The following TSPAN2 variants were observed in gnomAD, a reference collection of about 807,000 sequenced individuals.
TSPAN2 encodes the protein tetraspanin 2, also known as tetraspanin-2.
TSPAN2 carries 24 observed loss-of-function variants against 33.3 expected under a neutral mutation model. The ratio of observed to expected loss-of-function variants is 0.72; its 90% confidence interval spans 0.52 to 1.01. The LOEUF (loss-of-function observed/expected upper bound fraction) is 1.01, where lower values mean the gene tolerates loss of function less well. Ranked by LOEUF, TSPAN2 falls within the 50% of genes least tolerant of loss-of-function variation. The pLI, the probability that TSPAN2 is intolerant of heterozygous loss-of-function variation, is 0.00. For missense variants in TSPAN2, 278 were observed against 281.3 expected (o/e 0.99, Z 0.08); for synonymous variants, 114 against 104.5 (o/e 1.09, Z -0.56).
chr1:115,073,687 A>G lies in TSPAN2; in HGVS notation c.70-680T>C, dbSNP rs73008219. On this transcript the variant is annotated intron_variant, in intron 1 of 7. Coordinates refer to ENST00000369516, the MANE Select transcript of TSPAN2 (RefSeq NM_005725.6). Reference sequence around the variant, plus strand: ...TGGTTGCTATTTTGAGTTTCCATGGAAAGTGAGAAAGGAAAAAATAATTTT... The same window carrying G: ...TGGTTGCTATTTTGAGTTTCCATGGGAAGTGAGAAAGGAAAAAATAATTTT... 6.5e-3 allele frequency among the ~76,000 whole-genome samples: 990 copies of G among 151,486 alleles called. 6 individuals are homozygous for G. Among genetic ancestry groups the G allele is most frequent in the African/African-American group, 0.023 (934 of 41,226 alleles).
At position 115,049,067 on chromosome 1, in the gene TSPAN2, C is replaced by T. The variant is rs548988889; in HGVS notation, c.*1423G>A. 6 of 152,124 alleles carry T rather than the reference C, an allele frequency of 3.9e-5. No homozygotes were observed. The highest frequency in any genetic ancestry group is 2.1e-4 in the South Asian group (1 of 4,818). 9.4% of individuals were successfully genotyped at this position (152,124 alleles called of 1,614,324 possible). A position where few individuals can be genotyped will look rare whatever the true frequency, so the allele number is the denominator to read the frequency against. On this transcript the variant is annotated 3_prime_UTR_variant, in exon 8 of 8. Coordinates refer to ENST00000369516, the MANE Select transcript of TSPAN2 (RefSeq NM_005725.6). ...TCATCTGGGGGTTTCCAAAGCCTTCCGTATTTTCACTTATGTGTGGCCTTA... is the reference window on the plus strand; with the variant it reads ...TCATCTGGGGGTTTCCAAAGCCTTCTGTATTTTCACTTATGTGTGGCCTTA...
At chr1:115,067,775 C>T (rs1648006742) in intron 2 of TSPAN2, among the ~76,000 whole-genome samples, 1 of 152,162 alleles carries the variant, frequency 6.6e-6, no homozygotes. Flanking sequence ...TGGAGAAAAC[C>T]TGTTAATATC....
intron 5 of TSPAN2, chr1:115,058,570 C>G (rs1237810021): frequency 2.7e-6 from 1 of 369,778 alleles, no homozygotes; most frequent in Non-Finnish European, 4.9e-6. Context: ...CACAATGCTA[C>G]CCTCTGACAA....
chr1:115,060,322 G>T, intron 4 of TSPAN2, 142 bp downstream of exon 4: 1 of 662,904 alleles, frequency 1.5e-6, no homozygotes. Context: ...TATATGCTCA[G>T]TTCTGCACAC....
chr1:115,072,843 T>TCTAA (rs1648234760), intron 2 of TSPAN2, 62 bp downstream of exon 2: 12 of 1,393,216 alleles, frequency 8.6e-6, no homozygotes, highest in Non-Finnish European at 7.1e-6. Context: ...CAGCTTCTGC[T>TCTAA]CTAAGTCTTT....
chr1:115,055,043 G>C (rs181985303), intron 6 of TSPAN2, among the ~76,000 whole-genome samples: 61 of 152,152 alleles, frequency 4.0e-4, no homozygotes, highest in Non-Finnish European at 1.2e-4. Context: ...ATCCTGCTTT[G>C]GGTCTTTCAG....
intron 2 of TSPAN2, among the ~76,000 whole-genome samples, chr1:115,071,657 C>A (rs994582398): frequency 2.0e-5 from 3 of 152,146 alleles, no homozygotes; most frequent in Non-Finnish European, 4.4e-5. Context: ...CTTAATGGAA[C>A]CTAAAATAAT....
chr1:115,081,721 C>G (rs1648632081), intron 1 of TSPAN2, among the ~76,000 whole-genome samples: 1 of 152,190 alleles, frequency 6.6e-6, no homozygotes, highest in Non-Finnish European at 1.5e-5. Context: ...ACACTGAGAA[C>G]AGTAAGTGCC....
At chr1:115,077,332 TAA>T (rs56178923) in intron 1 of TSPAN2, among the ~76,000 whole-genome samples, 32,065 of 148,764 alleles carry the variant, frequency 0.22, 3,892 homozygotes, top group Non-Finnish European at 0.28. Flanking sequence ...GAAAAATACT[TAA>T]AAAAAAAAAA....
intron 1 of TSPAN2, among the ~76,000 whole-genome samples, chr1:115,088,242 A>T (rs1648920221): frequency 6.6e-6 from 1 of 152,228 alleles, no homozygotes; most frequent in South Asian, 2.1e-4. Flanking sequence ...CAGACAAAAG[A>T]GGAGCCCATC....
At chr1:115,077,426 A>G (rs770568807) in intron 1 of TSPAN2, among the ~76,000 whole-genome samples, 1 of 152,198 alleles carries the variant, frequency 6.6e-6, no homozygotes, top group Non-Finnish European at 1.5e-5. Context: ...ATATGGTTAT[A>G]GTACGTATTG....
intron 2 of TSPAN2, among the ~76,000 whole-genome samples, chr1:115,065,547 C>T (rs950422577): frequency 6.6e-5 from 10 of 152,132 alleles, no homozygotes; most frequent in African/African-American, 9.7e-5. Flanking sequence ...CTGTGACATG[C>T]TACCACAAGT....
chr1:115,082,323 G>T (rs930983179), intron 1 of TSPAN2, among the ~76,000 whole-genome samples: 1 of 152,194 alleles, frequency 6.6e-6, no homozygotes, highest in Non-Finnish European at 1.5e-5. Context: ...GACTTGGAGT[G>T]GTTATGAGTA....
chr1:115,089,327 C>G, intron 1 of TSPAN2, 37 bp downstream of exon 1: 1 of 1,535,604 alleles, frequency 6.5e-7, no homozygotes, highest in Non-Finnish European at 8.8e-7. Flanking sequence ...CCACCCGGCC[C>G]CCTGCCCTGA....
chr1:115,087,602 T>G, intron 1 of TSPAN2, among the ~76,000 whole-genome samples: 2 of 115,978 alleles, frequency 1.7e-5, no homozygotes, highest in East Asian at 2.4e-4. Context: ...GGCTACAGAG[T>G]GAGACTCCGT....
chr1:115,088,253 A>G (rs1648920635), intron 1 of TSPAN2, among the ~76,000 whole-genome samples: 1 of 152,194 alleles, frequency 6.6e-6, no homozygotes, highest in African/African-American at 2.4e-5. Flanking sequence ...GGAGCCCATC[A>G]TTCAATAATT....
rs1648237186 is a variant in TSPAN2 at position 115,072,908 on chromosome 1, C to T, written c.169G>A (p.Val57Met). 1 of 1,612,796 alleles carries T rather than the reference C, an allele frequency of 6.2e-7. No homozygotes were observed. The highest frequency in any genetic ancestry group is 8.5e-7 in the Non-Finnish European group (1 of 1,178,902). ...SEDKSPEYFY[V>M]GLYVLVGAGA... ...TTAGGAAGCTGGAGTCACTCACCCA[C>T]ATAGAAATACTCTGGGGACTTGTCC... Residue 57 changes from valine to methionine, a missense_variant, in exon 2 of 8, where the codon GTG (valine) becomes ATG (methionine). By Grantham distance (21) the Val-to-Met change is conservative (BLOSUM62 1). Coordinates refer to ENST00000369516, the MANE Select transcript of TSPAN2 (RefSeq NM_005725.6).
In TSPAN2 at chr1:115,049,068, G is replaced by A. The variant is rs1384182673; in HGVS notation, c.*1422C>T. On this transcript the variant is annotated 3_prime_UTR_variant, in exon 8 of 8. Transcript: ENST00000369516. Reference sequence around the variant, plus strand: ...CATCTGGGGGTTTCCAAAGCCTTCCGTATTTTCACTTATGTGTGGCCTTAC... The same window carrying A: ...CATCTGGGGGTTTCCAAAGCCTTCCATATTTTCACTTATGTGTGGCCTTAC... 1 of 152,046 alleles carries A rather than the reference G, an allele frequency of 6.6e-6. No individual in the cohort carries two copies. The highest frequency in any genetic ancestry group is 1.5e-5 in the Non-Finnish European group (1 of 67,976). The allele number at this position is 152,046 out of a possible 1,614,324, so 9.4% of individuals were successfully genotyped here. A position where few individuals can be genotyped will look rare whatever the true frequency, so the allele number is the denominator to read the frequency against.
chr1:115,056,329 C>T lies in TSPAN2; in HGVS notation c.516+1208G>A, dbSNP rs148029858. On this transcript the variant is annotated intron_variant, in intron 6 of 7. Transcript: ENST00000369516. ...AATCGAAACTTCTTGAAAGGATGCTCTCTCTCCTCACATCTCGCTCTCTGA... is the reference window on the plus strand; with the variant it reads ...AATCGAAACTTCTTGAAAGGATGCTTTCTCTCCTCACATCTCGCTCTCTGA... Among the ~76,000 whole-genome samples, 371 of 152,256 alleles carry T rather than the reference C, an allele frequency of 2.4e-3. 1 individual carries two copies. Among genetic ancestry groups the T allele is most frequent in the African/African-American group, 8.3e-3 (347 of 41,566 alleles).
Sources: gnomAD v4.1 joint callset for allele counts (sites outside exome capture counted in the v4.1 genomes callset) on GRCh38, gnomAD v4.1.1 for gene constraint, MANE v1.5 for transcripts, NCBI Gene and HGNC (gene_info 2026-07-23, HGNC 2026-07-21) for gene names.